LEKR1: variants seen among roughly 807,000 people sequenced by gnomAD.
LEKR1 encodes the protein protein LEKR1.
A neutral mutation model predicts 72.4 loss-of-function variants in LEKR1; 59 were observed. The observed-to-expected ratio is 0.82, with a 90% CI of 0.66 to 1.01. The LOEUF (loss-of-function observed/expected upper bound fraction) is 1.01. Among genes scored for constraint, LEKR1 ranks in the 50% least tolerant of loss-of-function variants. The pLI is 0.00. For synonymous variants in LEKR1, 257 were observed against 263.2 expected, an observed-to-expected ratio of 0.98 and a Z score of 0.23; for missense variants, 728 against 759.2, an observed-to-expected ratio of 0.96 and a Z score of 0.48.
intron 2 of LEKR1, among the ~76,000 whole-genome samples, chr3:156,839,759 C>T (rs117986171): frequency 6.6e-6 from 1 of 152,304 alleles, no homozygotes; most frequent in East Asian, 1.9e-4. Context: ...TTATTCGAGA[C>T]TGCTTCTCAC....
chr3:156,904,797 C>T (rs1215871348), intron 3 of LEKR1, among the ~76,000 whole-genome samples: 1 of 151,932 alleles, frequency 6.6e-6, no homozygotes, highest in Non-Finnish European at 1.5e-5. Flanking sequence ...TGTGCCCAAC[C>T]TATGTATGTG....
At chr3:157,019,852 G>T (rs778251050) in intron 10 of LEKR1, among the ~76,000 whole-genome samples, 2 of 152,132 alleles carry the variant, frequency 1.3e-5, no homozygotes, top group Non-Finnish European at 2.9e-5. Flanking sequence ...ATCAGATCAT[G>T]AAGGAACCAG....
At chr3:157,036,431 C>A (rs1734974042) in intron 12 of LEKR1, among the ~76,000 whole-genome samples, 1 of 152,048 alleles carries the variant, frequency 6.6e-6, no homozygotes, top group South Asian at 2.1e-4. Context: ...CAGTGCCTTC[C>A]AAATTCCAAA....
intron 9 of LEKR1, among the ~76,000 whole-genome samples, chr3:157,007,372 A>G (rs529251069): frequency 3.3e-5 from 5 of 152,288 alleles, no homozygotes; most frequent in African/African-American, 1.2e-4. Flanking sequence ...CACATTTCAG[A>G]GAGGAAAGCT....
chr3:156,977,740 C>A, intron 6 of LEKR1: 1 of 237,340 alleles, frequency 4.2e-6, no homozygotes, highest in South Asian at 7.4e-5. Context: ...ATACTGGAGT[C>A]AAATCTTTTT....
At chr3:156,934,516 A>T (rs1339905203) in intron 5 of LEKR1, among the ~76,000 whole-genome samples, 1 of 152,212 alleles carries the variant, frequency 6.6e-6, no homozygotes, top group Non-Finnish European at 1.5e-5. Context: ...AATGTAGGCT[A>T]TTATCAGTAG....
At chr3:157,025,456 A>ATG (rs140834685) in intron 11 of LEKR1, among the ~76,000 whole-genome samples, 88 of 150,622 alleles carry the variant, frequency 5.8e-4, no homozygotes, top group Middle Eastern at 3.4e-3. Context: ...TAGAGTGTGT[A>ATG]TGTGTGTGTG....
chr3:157,002,060 T>C (rs888636662), intron 9 of LEKR1, among the ~76,000 whole-genome samples: 1 of 152,176 alleles, frequency 6.6e-6, no homozygotes, highest in Non-Finnish European at 1.5e-5. Flanking sequence ...AGGAGTACAA[T>C]GAGAACTCCT....
At chr3:157,014,011 T>G (rs1172257520) in intron 10 of LEKR1, among the ~76,000 whole-genome samples, 1 of 152,082 alleles carries the variant, frequency 6.6e-6, no homozygotes, top group South Asian at 2.1e-4. Flanking sequence ...TAACTACGTA[T>G]TTACTAATTG....
At chr3:156,855,618 C>G (rs1715967655) in intron 3 of LEKR1, among the ~76,000 whole-genome samples, 1 of 152,002 alleles carries the variant, frequency 6.6e-6, no homozygotes, top group South Asian at 2.1e-4. Flanking sequence ...TTAATAATAT[C>G]CTGTGCCAGG....
intron 6 of LEKR1, among the ~76,000 whole-genome samples, chr3:156,972,716 T>A (rs1344453163): frequency 1.3e-5 from 2 of 150,522 alleles, no homozygotes; most frequent in Non-Finnish European, 3.0e-5. Flanking sequence ...TATATTTTAA[T>A]AAAATAATTT....
At chr3:156,927,769 A>G (rs1724855505) in intron 5 of LEKR1, among the ~76,000 whole-genome samples, 165 bp downstream of exon 5, 1 of 151,920 alleles carries the variant, frequency 6.6e-6, no homozygotes, top group South Asian at 2.1e-4. Context: ...CTGAAATTTA[A>G]TTATTATAGG....
intron 2 of LEKR1, among the ~76,000 whole-genome samples, chr3:156,850,020 G>A (rs1477505727): frequency 6.6e-6 from 1 of 151,912 alleles, no homozygotes; most frequent in African/African-American, 2.4e-5. Flanking sequence ...CTGACAAAGG[G>A]CTAATATCCA....
intron 7 of LEKR1, among the ~76,000 whole-genome samples, chr3:156,989,857 AT>A (rs1030286523): frequency 6.6e-6 from 1 of 151,464 alleles, no homozygotes; most frequent in East Asian, 1.9e-4. Context: ...ACACACACAA[AT>A]TTTTTTCCTG....
intron 11 of LEKR1, 115 bp downstream of exon 11, chr3:157,025,039 T>C (rs1734089518): frequency 2.9e-6 from 2 of 678,846 alleles, no homozygotes; most frequent in African/African-American, 1.8e-5. Flanking sequence ...TCATGGTCAC[T>C]GTGTCTTGGT....
chr3:156,880,486 G>T (rs1171544198), intron 3 of LEKR1, among the ~76,000 whole-genome samples: 2 of 152,144 alleles, frequency 1.3e-5, no homozygotes, highest in African/African-American at 4.8e-5. Context: ...AATAACAGGA[G>T]CTGAAATTGT....
chr3:156,837,588 C>T lies in LEKR1; in HGVS notation c.48+8211C>T, dbSNP rs555895516. On this transcript the variant is annotated intron_variant, in intron 2 of 12. Transcript: ENST00000356539. ...AGGGATCCTAGGCCCTTGTTCTATC[C>T]TACGGTGCCCCTCTCCATGACAGAA... 3.3e-5 allele frequency among the ~76,000 whole-genome samples: 5 copies of T among 152,194 alleles called. No individual in the cohort carries two copies. The South Asian group carries it at 8.3e-4, about 25-fold the overall frequency.
At chr3:156,985,692 G>C (rs1730609820) in intron 7 of LEKR1, among the ~76,000 whole-genome samples, 1 of 151,900 alleles carries the variant, frequency 6.6e-6, no homozygotes, top group African/African-American at 2.4e-5. Flanking sequence ...AAAATTAGCT[G>C]GGTGTAATGG....
chr3:156,936,006 A>G (rs1446806978), intron 5 of LEKR1, among the ~76,000 whole-genome samples: 4 of 152,214 alleles, frequency 2.6e-5, no homozygotes, highest in African/African-American at 7.2e-5. Flanking sequence ...AATGATGAGG[A>G]CGATGTGAAT....
Sources: gnomAD v4.1 joint callset for allele counts (sites outside exome capture counted in the v4.1 genomes callset) on GRCh38, gnomAD v4.1.1 for gene constraint, MANE v1.5 for transcripts, NCBI Gene and HGNC (gene_info 2026-07-23, HGNC 2026-07-21) for gene names.